The following DST variants were observed in gnomAD, a reference collection of about 807,000 sequenced individuals.
The protein encoded by DST is bullous pemphigoid antigen.
Under a neutral mutation model 875.2 loss-of-function variants are expected in DST, and 253 were observed. The ratio of observed to expected loss-of-function variants is 0.29; its 90% CI spans 0.26 to 0.32. DST has a LOEUF of 0.32. Ranked by LOEUF, DST falls within the 10% of genes least tolerant of loss-of-function variation. DST has a pLI of 1.00. For missense variants in DST, 8,287 were observed against 9,111.6 expected (o/e 0.91, Z 3.68); for synonymous variants, 3,124 against 3,197.1 (o/e 0.98, Z 0.77).
chr6:56,870,313 G>C (rs980152794), intron 3 of DST, among the ~76,000 whole-genome samples: 3 of 151,910 alleles, frequency 2.0e-5, no homozygotes, highest in Non-Finnish European at 4.4e-5. Flanking sequence ...GAGAGCACAA[G>C]GGGAGGGACA....
chr6:56,908,827 G>A lies in DST; in HGVS notation c.217-8206C>T, dbSNP rs149809165. Reference sequence around the variant, plus strand: ...ACAGTCGTCCTCACTGCTACACTCCGCCCACCGCCATGACAGTTTACAGAT... The same window carrying A: ...ACAGTCGTCCTCACTGCTACACTCCACCCACCGCCATGACAGTTTACAGAT... On this transcript the variant is annotated intron_variant, in intron 2 of 103. Transcript: ENST00000680361. 2.7e-3 allele frequency among the ~76,000 whole-genome samples: 412 copies of A among 152,260 alleles called. 4 individuals carry two copies. The highest frequency in any genetic ancestry group is 0.015 in the South Asian group (73 of 4,820).
At chr6:56,502,065 CAA>C (rs1388701881) in intron 78 of DST, among the ~76,000 whole-genome samples, 4 of 151,922 alleles carry the variant, frequency 2.6e-5, no homozygotes, top group Non-Finnish European at 4.4e-5. Flanking sequence ...ATATGAAAGC[CAA>C]AAAAGTCTTA....
At chr6:56,673,859 C>T (rs1349489513) in intron 9 of DST, among the ~76,000 whole-genome samples, 1 of 152,178 alleles carries the variant, frequency 6.6e-6, no homozygotes, top group Non-Finnish European at 1.5e-5. Context: ...ATTCTAACTC[C>T]TCCATTTTCA....
chr6:56,661,968 A>T (rs1348923466), intron 10 of DST, among the ~76,000 whole-genome samples: 2 of 152,198 alleles, frequency 1.3e-5, no homozygotes, highest in African/African-American at 4.8e-5. Flanking sequence ...CTCGTAATAC[A>T]TGCATGCTTA....
chr6:56,916,770 T>TCA (rs1801202858), intron 2 of DST, among the ~76,000 whole-genome samples: 2 of 103,272 alleles, frequency 1.9e-5, no homozygotes, highest in African/African-American at 7.8e-5. Context: ...TCTCTCTCTC[T>TCA]CTCTCTCTCA....
intron 15 of DST, 58 bp downstream of exon 15, chr6:56,645,808 A>G: frequency 6.3e-7 from 1 of 1,586,820 alleles, no homozygotes; most frequent in Non-Finnish European, 8.5e-7. Flanking sequence ...TTCTTTCACA[A>G]GAACACAAAG....
In DST at chr6:56,608,160, A is replaced by G; in HGVS notation, c.6468T>C (p.Cys2156=). Residue 2156 remains cysteine (C), a synonymous_variant, in exon 40 of 104, where the codon TGT becomes TGC. Coordinates refer to ENST00000680361, the MANE Select transcript of DST (RefSeq NM_001374736.1). Reference sequence around the variant, plus strand: ...AAGAGAGCCATCTTCTGGCATTTTTACAAGCTTCTAAATCTCCTAAATCTG... The same window carrying G: ...AAGAGAGCCATCTTCTGGCATTTTTGCAAGCTTCTAAATCTCCTAAATCTG... ...KMPDLGDLEA[C]KNARRWLSFC... 6.2e-7 allele frequency: 1 copy of G among 1,613,740 alleles called. No individual in the cohort carries two copies. Among genetic ancestry groups the G allele is most frequent in the South Asian group, 1.1e-5 (1 of 91,082 alleles).
At chr6:56,793,874 A>G (rs1217019827) in intron 4 of DST, among the ~76,000 whole-genome samples, 1 of 152,220 alleles carries the variant, frequency 6.6e-6, no homozygotes, top group Non-Finnish European at 1.5e-5. Flanking sequence ...AATGAGTTAT[A>G]ATTTCTCAAT....
At position 56,552,356 on chromosome 6, in the gene DST, C is replaced by T. The variant is rs1183762025; in HGVS notation, c.16436G>A (p.Arg5479Gln). ...AACCTGCTCTTCTCTGGCTTGGGCTCGGTCCAGTAACTTGTTGCATTGTTT... is the reference window on the plus strand; with the variant it reads ...AACCTGCTCTTCTCTGGCTTGGGCTTGGTCCAGTAACTTGTTGCATTGTTT... ...LSKQCNKLLD[R>Q]AQAREEQVEG... The change falls in exon 61 of 104, where the codon CGA becomes CAA. Residue 5479 changes from arginine to glutamine, a missense_variant. Transcript: ENST00000680361. The T allele has an allele frequency of 2.5e-6, 4 of 1,613,924 alleles. No individual in the cohort carries two copies. The highest frequency in any genetic ancestry group is 2.2e-5 in the East Asian group (1 of 44,874).
chr6:56,533,584 C>A (rs912848394), intron 63 of DST, among the ~76,000 whole-genome samples: 2 of 149,784 alleles, frequency 1.3e-5, no homozygotes, highest in African/African-American at 4.9e-5. Context: ...GGTGCTTTGG[C>A]AGCAAGGAGA....
At chr6:56,666,187 AACAT>A (rs927949459) in intron 10 of DST, among the ~76,000 whole-genome samples, 54 of 133,474 alleles carry the variant, frequency 4.0e-4, no homozygotes, top group African/African-American at 2.2e-3. Flanking sequence ...GGGGCTAACA[AACAT>A]TCTTTTTATT....
chr6:56,737,559 T>C (rs1207485993), intron 4 of DST, among the ~76,000 whole-genome samples: 1 of 152,234 alleles, frequency 6.6e-6, no homozygotes, highest in Non-Finnish European at 1.5e-5. Flanking sequence ...ATGGCTAACA[T>C]ATTGAAAAGC....
chr6:56,933,198 C>T (rs1337901780), intron 2 of DST, among the ~76,000 whole-genome samples: 1 of 152,148 alleles, frequency 6.6e-6, no homozygotes, highest in Non-Finnish European at 1.5e-5. Flanking sequence ...TTAAACAAAG[C>T]TTCCCTTCCT....
intron 9 of DST, among the ~76,000 whole-genome samples, chr6:56,677,907 C>T (rs777783460): frequency 6.6e-6 from 1 of 152,182 alleles, no homozygotes; most frequent in African/African-American, 2.4e-5. Context: ...TCTTCAATAC[C>T]TTAAACTGCT....
intron 5 of DST, among the ~76,000 whole-genome samples, chr6:56,710,586 T>C (rs942333102): frequency 2.0e-5 from 3 of 152,102 alleles, no homozygotes; most frequent in African/African-American, 7.2e-5. Flanking sequence ...ACAGCCTACT[T>C]GAAAAAATAG....
intron 44 of DST, among the ~76,000 whole-genome samples, chr6:56,600,516 T>C (rs924908723): frequency 2.0e-5 from 3 of 152,022 alleles, no homozygotes; most frequent in African/African-American, 7.2e-5. Context: ...CCCATTTTCT[T>C]AAGCTGTTGA....
intron 2 of DST, among the ~76,000 whole-genome samples, chr6:56,906,327 T>C (rs2127705483): frequency 6.6e-6 from 1 of 152,228 alleles, no homozygotes. Context: ...CCCCAAATCA[T>C]TTTCTAACAA....
intron 83 of DST, 21 bp from the exon 84 acceptor site, chr6:56,493,110 G>A (rs2095803556): frequency 6.3e-7 from 1 of 1,597,118 alleles, no homozygotes; most frequent in Non-Finnish European, 8.5e-7. Context: ...AGATTGTTTA[G>A]TATGTGATGT....
chr6:56,832,275 G>C (rs1231315068), intron 4 of DST, among the ~76,000 whole-genome samples: 3 of 152,174 alleles, frequency 2.0e-5, no homozygotes. Context: ...CCCAGTGGGA[G>C]GTAATCGAAT....
Sources: allele counts gnomAD v4.1 joint callset (sites outside exome capture counted in the v4.1 genomes callset), GRCh38; gene constraint gnomAD v4.1.1; transcripts MANE v1.5; gene names NCBI Gene and HGNC (gene_info 2026-07-23, HGNC 2026-07-21).